CNKSR2: variants seen among roughly 807,000 people sequenced by gnomAD.
The protein encoded by CNKSR2 is connector enhancer of kinase suppressor of Ras 2.
In CNKSR2, 14 loss-of-function variants were observed where a neutral mutation model predicts 84.4. The ratio of observed to expected loss-of-function variants is 0.17; its 90% confidence interval spans 0.11 to 0.26. The LOEUF is 0.26. CNKSR2 is among the 10% of genes least tolerant of loss of function. The pLI, the probability that CNKSR2 is intolerant of heterozygous loss-of-function variation, is 1.00. For synonymous variants in CNKSR2, 275 were observed against 277.9 expected (o/e 0.99, Z 0.10); for missense variants, 485 against 771.2 (o/e 0.63, Z 4.40).
At chrX:21,478,205 A>G (rs898794872) in intron 5 of CNKSR2, among the ~76,000 whole-genome samples, 1 of 111,913 alleles carries the variant, frequency 8.9e-6, no homozygotes, top group Non-Finnish European at 1.9e-5. Flanking sequence ...ATGTGCTAAC[A>G]ATATTGCTGA....
At chrX:21,556,095 A>G (rs2092137645) in intron 11 of CNKSR2, among the ~76,000 whole-genome samples, 2 of 110,920 alleles carry the variant, frequency 1.8e-5, no homozygotes, top group African/African-American at 6.5e-5. Flanking sequence ...AAAGAAGGAA[A>G]TGGAAAATTA....
intron 18 of CNKSR2, 80 bp from the exon 19 acceptor site, chrX:21,606,699 A>T: frequency 3.3e-6 from 2 of 605,821 alleles, no homozygotes; most frequent in Admixed American, 3.3e-5. Flanking sequence ...TCCTTTTTTT[A>T]AATGATAGTT....
intron 20 of CNKSR2, 39 bp from the exon 21 acceptor site, chrX:21,648,788 CTCTT>C (rs773346960): frequency 2.0e-5 from 16 of 787,333 alleles, no homozygotes; most frequent in African/African-American, 1.4e-4. Flanking sequence ...CTCTCTCTCT[CTCTT>C]TCTTTTTTTT....
intron 1 of CNKSR2, chrX:21,424,037 G>A (rs965343261): frequency 1.8e-5 from 2 of 111,282 alleles, no homozygotes; most frequent in South Asian, 7.5e-4. Flanking sequence ...CTGGGACCAG[G>A]TTTTAATTAT....
At chrX:21,549,148 G>T (rs912124631) in intron 11 of CNKSR2, among the ~76,000 whole-genome samples, 3 of 112,431 alleles carry the variant, frequency 2.7e-5, no homozygotes, top group African/African-American at 6.5e-5. Context: ...GTTTGCAGAT[G>T]ACATGATTGT....
At chrX:21,517,883 A>T (rs867676568) in intron 9 of CNKSR2, among the ~76,000 whole-genome samples, 2 of 111,679 alleles carry the variant, frequency 1.8e-5, no homozygotes, top group Middle Eastern at 4.6e-3. Flanking sequence ...TAAGAATCAA[A>T]ATTCTCCATT....
intron 14 of CNKSR2, 80 bp downstream of exon 14, chrX:21,590,700 C>A: frequency 9.8e-7 from 1 of 1,016,444 alleles, no homozygotes; most frequent in Non-Finnish European, 1.4e-6. Context: ...TGCCCTCTTT[C>A]TTGCCTGAGC....
intron 5 of CNKSR2, among the ~76,000 whole-genome samples, chrX:21,473,949 C>G (rs1342247321): frequency 9.3e-6 from 1 of 107,878 alleles, no homozygotes; most frequent in African/African-American, 3.4e-5. Flanking sequence ...CGGGGTTTCA[C>G]CGTGTTAGCC....
chrX:21,623,050 T>TTTTA (rs1351144653), intron 20 of CNKSR2, among the ~76,000 whole-genome samples: 1 of 111,129 alleles, frequency 9.0e-6, no homozygotes, highest in African/African-American at 3.3e-5. Context: ...CTGGTTGGAC[T>TTTTA]TTTACAGATC....
chrX:21,485,327 A>T (rs951700633), intron 5 of CNKSR2, among the ~76,000 whole-genome samples: 1 of 111,380 alleles, frequency 9.0e-6, no homozygotes, highest in Admixed American at 9.6e-5. Context: ...TTAATGTGGG[A>T]TTATTATTTT....
At chrX:21,392,938 G>A (rs1175518451) in intron 1 of CNKSR2, among the ~76,000 whole-genome samples, 1 of 111,019 alleles carries the variant, frequency 9.0e-6, no homozygotes, top group Non-Finnish European at 1.9e-5. Flanking sequence ...GTGCCTTTCT[G>A]ATTAAGATCT....
chrX:21,456,764 A>G (rs2091000442), intron 4 of CNKSR2, among the ~76,000 whole-genome samples: 1 of 111,228 alleles, frequency 9.0e-6, no homozygotes, highest in Non-Finnish European at 1.9e-5. Context: ...TAGTCGTTCT[A>G]TTTTTAATTT....
rs2091673547 is a variant in CNKSR2 at position 21,511,739 on chromosome X, TATAATC to T, written c.811-4743_811-4738del. On this transcript the variant is annotated intron_variant, in intron 8 of 21. Coordinates refer to ENST00000379510, the MANE Select transcript of CNKSR2 (RefSeq NM_014927.5). ...AATTATCAACTTTCTAAAAGCCTCT[TATAATC>T]ATCTGAACTCTGTGTGTTTCTCCTG... Among the ~76,000 whole-genome samples, 3 of 111,752 alleles carry T rather than the reference TATAATC, an allele frequency of 2.7e-5. No homozygotes were observed. The South Asian group carries it at 1.1e-3, about 42-fold the overall frequency.
At chrX:21,431,787 C>T (rs1344904679) in intron 2 of CNKSR2, among the ~76,000 whole-genome samples, 1 of 111,690 alleles carries the variant, frequency 9.0e-6, no homozygotes, top group Admixed American at 9.6e-5. Context: ...GCTTATTACA[C>T]TTATTCATAT....
chrX:21,380,212 G>C (rs1425409416), intron 1 of CNKSR2, among the ~76,000 whole-genome samples: 2 of 111,780 alleles, frequency 1.8e-5, no homozygotes, highest in Non-Finnish European at 3.8e-5. Context: ...AATGTGTATT[G>C]AATTGGTACA....
At chrX:21,439,469 A>G (rs373509705) in intron 3 of CNKSR2, among the ~76,000 whole-genome samples, 5 of 110,877 alleles carry the variant, frequency 4.5e-5, no homozygotes, top group East Asian at 5.6e-4. Flanking sequence ...TGAATGCTTT[A>G]TATCAGAAAA....
chrX:21,514,568 T>C lies in CNKSR2; in HGVS notation c.811-1917T>C, dbSNP rs190729975. 4.5e-5 allele frequency among the ~76,000 whole-genome samples: 5 copies of C among 111,351 alleles called. 1 individual carries two copies. The East Asian group carries it at 1.1e-3, about 25-fold the overall frequency. On this transcript the variant is annotated intron_variant, in intron 8 of 21. Transcript: ENST00000379510. ...AGGATGAATCAAATTGCACTGAAAA[T>C]TTCACAGGAAAATACCATCTAGCCT...
intron 8 of CNKSR2, among the ~76,000 whole-genome samples, chrX:21,502,179 A>T (rs763252085): frequency 2.0e-5 from 2 of 100,196 alleles, no homozygotes; most frequent in East Asian, 6.4e-4. Context: ...TTTGTTATCT[A>T]CCCTTAAAAA....
intron 1 of CNKSR2, among the ~76,000 whole-genome samples, chrX:21,406,030 T>C (rs1262395908): frequency 2.7e-5 from 3 of 110,620 alleles, no homozygotes; most frequent in Non-Finnish European, 3.8e-5. Context: ...CCCCAGCCCT[T>C]GGGCTATGAA....
Sources: allele counts gnomAD v4.1 joint callset (sites outside exome capture counted in the v4.1 genomes callset), GRCh38; gene constraint gnomAD v4.1.1; transcripts MANE v1.5; gene names NCBI Gene and HGNC (gene_info 2026-07-23, HGNC 2026-07-21).